Variants in NDUFA5 observed in about 807,000 individuals in gnomAD.
NDUFA5 encodes the protein NADH dehydrogenase [ubiquinone] 1 alpha subcomplex subunit 5.
In NDUFA5, 11 loss-of-function variants were observed where a neutral mutation model predicts 19.8. The observed-to-expected ratio is 0.56, with a 90% CI of 0.35 to 0.92. NDUFA5 has a LOEUF of 0.92. Ranked by LOEUF, NDUFA5 falls within the 40% of genes least tolerant of loss-of-function variation. NDUFA5 has a pLI of 0.01. For missense variants in NDUFA5, 109 were observed against 134.2 expected, an observed-to-expected ratio of 0.81 and a Z score of 0.93; for synonymous variants, 47 against 46.8, an observed-to-expected ratio of 1.00 and a Z score of -0.01.
the NDUFA5 span, among the ~76,000 whole-genome samples, chr7:123,599,935 G>A: frequency 6.6e-6 from 1 of 152,084 alleles, no homozygotes; most frequent in Non-Finnish European, 1.5e-5. Flanking sequence ...GACTCATTTT[G>A]TTTCCCCTTT....
chr7:123,561,635 T>A (rs990951134), upstream of NDUFA5, among the ~76,000 whole-genome samples: 1 of 152,188 alleles, frequency 6.6e-6, no homozygotes, highest in Non-Finnish European at 1.5e-5. Flanking sequence ...AGAGTCTCTA[T>A]TGCCCAGGCT....
intron 2 of NDUFA5, 100 bp downstream of exon 2, chr7:123,557,304 C>T: frequency 1.9e-6 from 3 of 1,549,718 alleles, no homozygotes; most frequent in Non-Finnish European, 2.6e-6. Flanking sequence ...TAATTAAGGG[C>T]TTGAAACATC....
rs1168822494 is a variant in NDUFA5, at chr7:123,541,142, C to T, written c.*977G>A. ...TACCCACCTACACTTATATTAGAAA[C>T]GTACTGCAAACTATTTAGTGACTCC... On this transcript the variant is annotated 3_prime_UTR_variant, in exon 5 of 5. Coordinates refer to ENST00000355749, the MANE Select transcript of NDUFA5 (RefSeq NM_005000.5). 6.6e-6 allele frequency: 1 copy of T among 152,192 alleles called. No homozygotes were observed. The highest frequency in any genetic ancestry group is 2.4e-5 in the African/African-American group (1 of 41,436). The allele number at this position is 152,192 out of a possible 1,614,324, so 9.4% of individuals were successfully genotyped here. A position where few individuals can be genotyped will look rare whatever the true frequency, so the allele number is the denominator to read the frequency against.
intron 2 of NDUFA5, among the ~76,000 whole-genome samples, chr7:123,552,693 A>G (rs1798395821): frequency 6.6e-6 from 1 of 150,752 alleles, no homozygotes; most frequent in South Asian, 2.1e-4. Context: ...AACAGGGTAA[A>G]GCAAAAATAA....
the NDUFA5 span, among the ~76,000 whole-genome samples, chr7:123,572,205 G>A: frequency 6.3e-5 from 8 of 127,074 alleles, no homozygotes; most frequent in East Asian, 7.8e-4. Flanking sequence ...GCAGTGACGC[G>A]ATCTTGCCTC....
At chr7:123,594,731 C>T in the NDUFA5 span, among the ~76,000 whole-genome samples, 4 of 152,172 alleles carry the variant, frequency 2.6e-5, no homozygotes, top group Non-Finnish European at 5.9e-5. Context: ...TGTCAGGCTA[C>T]ACGGGGGTCA....
the NDUFA5 span, among the ~76,000 whole-genome samples, chr7:123,600,575 A>G: frequency 1.3e-5 from 2 of 152,222 alleles, no homozygotes; most frequent in Non-Finnish European, 2.9e-5. Flanking sequence ...TCATTGAAAA[A>G]TTCCAAATTA....
chr7:123,564,892 G>GACACACACACACACACACACAC, the NDUFA5 span, among the ~76,000 whole-genome samples: 2 of 147,690 alleles, frequency 1.4e-5, no homozygotes, highest in African/African-American at 5.0e-5. Context: ...GAAGCATCTG[G>GACACACACACACACACACACAC]ACACACACAC....
At chr7:123,557,724 T>C (rs1372803434) in intron 1 of NDUFA5, 51 bp downstream of exon 1, 1 of 1,613,904 alleles carries the variant, frequency 6.2e-7, no homozygotes, top group African/African-American at 1.3e-5. Flanking sequence ...GCTATCGGAC[T>C]GAGTCTACCC....
chr7:123,555,512 A>G (rs977388023), intron 2 of NDUFA5: 5 of 152,240 alleles, frequency 3.3e-5, no homozygotes, highest in African/African-American at 1.2e-4. Flanking sequence ...TATGATGTCC[A>G]AATTCCCAGC....
rs61556029 is a variant in NDUFA5, at chr7:123,544,764, T to TAAAAAAAAAAAAAAAAAAAAAA, written c.249+825_249+846dup. On this transcript the variant is annotated intron_variant, in intron 4 of 4. Coordinates refer to ENST00000355749, the MANE Select transcript of NDUFA5 (RefSeq NM_005000.5). ...AATTGGAGAAAAAAGATGCAAATCT[T>TAAAAAAAAAAAAAAAAAAAAAA]AAAAAAAAAAAAAAAAAAAAAAAAA... 1.3e-4 allele frequency among the ~76,000 whole-genome samples: 8 copies of TAAAAAAAAAAAAAAAAAAAAAA among 61,816 alleles called. 1 individual carries two copies. The highest frequency in any genetic ancestry group is 2.5e-4 in the African/African-American group (4 of 16,214). 40.6% of individuals were successfully genotyped at this position (61,816 alleles called of 152,430 possible).
At chr7:123,556,754 C>A (rs554320195) in intron 2 of NDUFA5, 2 of 447,260 alleles carry the variant, frequency 4.5e-6, no homozygotes, top group South Asian at 3.4e-5. Flanking sequence ...GCTATTAGGT[C>A]AATGAAGGTG....
chr7:123,600,687 T>C, the NDUFA5 span, among the ~76,000 whole-genome samples: 1 of 152,200 alleles, frequency 6.6e-6, no homozygotes, highest in Non-Finnish European at 1.5e-5. Flanking sequence ...AAAATACTTC[T>C]CAGTTTGCTT....
the NDUFA5 span, among the ~76,000 whole-genome samples, chr7:123,575,576 A>T: frequency 6.6e-6 from 1 of 152,004 alleles, no homozygotes; most frequent in Non-Finnish European, 1.5e-5. Context: ...TCTACAGTGA[A>T]ATATTTTCAA....
At chr7:123,574,905 T>C in the NDUFA5 span, among the ~76,000 whole-genome samples, 1 of 151,834 alleles carries the variant, frequency 6.6e-6, no homozygotes. Context: ...ACATCATACT[T>C]GTTTAACTCT....
the NDUFA5 span, among the ~76,000 whole-genome samples, chr7:123,597,863 A>T: frequency 6.6e-6 from 1 of 151,910 alleles, no homozygotes; most frequent in Middle Eastern, 3.4e-3. Flanking sequence ...ATATGGGGAA[A>T]CTACTCTAGG....
the NDUFA5 span, among the ~76,000 whole-genome samples, chr7:123,597,917 C>CGTGTGTGTGTGTATGTGTGTGTGT: frequency 7.5e-6 from 1 of 132,974 alleles, no homozygotes; most frequent in African/African-American, 2.9e-5. Flanking sequence ...TTTCAAACTT[C>CGTGTGTGTGTGTATGTGTGTGTGT]GTGTGTGTGT....
the NDUFA5 span, among the ~76,000 whole-genome samples, chr7:123,599,320 T>C: frequency 2.2e-4 from 34 of 152,042 alleles, no homozygotes; most frequent in African/African-American, 8.0e-4. Context: ...CTCCCCAAGG[T>C]GTTTGAACAA....
At chr7:123,552,859 T>G (rs1452975675) in intron 2 of NDUFA5, among the ~76,000 whole-genome samples, 1 of 152,102 alleles carries the variant, frequency 6.6e-6, no homozygotes, top group African/African-American at 2.4e-5. Flanking sequence ...CACAAAGCTC[T>G]CTTCAGCCCA....
Sources: gnomAD v4.1 joint callset for allele counts (sites outside exome capture counted in the v4.1 genomes callset) on GRCh38, gnomAD v4.1.1 for gene constraint, MANE v1.5 for transcripts, NCBI Gene and HGNC (gene_info 2026-07-23, HGNC 2026-07-21) for gene names.